Variants in BRCA2 observed in about 807,000 individuals in gnomAD.
BRCA2 encodes the protein BRCA2 DNA repair associated.
A neutral mutation model predicts 276.7 loss-of-function variants in BRCA2; 203 were observed. The observed-to-expected ratio is 0.73, with a 90% CI of 0.65 to 0.82. The LOEUF (loss-of-function observed/expected upper bound fraction) is 0.82. Among genes scored for constraint, BRCA2 ranks in the 40% least tolerant of loss-of-function variants. The pLI, the probability that BRCA2 is intolerant of heterozygous loss-of-function variation, is 0.00. For synonymous variants in BRCA2, 1,289 were observed against 1,338.4 expected, an observed-to-expected ratio of 0.96 and a Z score of 0.81; for missense variants, 3,920 against 3,915.0, an observed-to-expected ratio of 1.00 and a Z score of -0.03.
Position 32,371,058 on chromosome 13 carries a change from G to T in BRCA2, c.8590G>T (p.Ala2864Ser), listed in dbSNP as rs1331784222. ...YVEAQQKRLEALFTKIQEEFE... is the reference protein window; with the variant it reads ...YVEAQQKRLESLFTKIQEEFE... ...GGAGGCCCAACAAAAGAGACTAGAA[G>T]CCTTATTCACTAAAATTCAGGAGGA... Residue 2864 changes from alanine (A) to serine (S), a missense_variant, in exon 20 of 27, where the codon GCC (alanine) becomes TCC (serine). Physicochemically the swap from Ala to Ser is moderately conservative, Grantham distance 99. Transcript: ENST00000380152. 1 of 1,613,972 alleles carries T rather than the reference G, an allele frequency of 6.2e-7. No individual in the cohort carries two copies. Among genetic ancestry groups the T allele is most frequent in the Non-Finnish European group, 8.5e-7 (1 of 1,179,988 alleles).
At chr13:32,388,652 A>G (rs557698260) in intron 24 of BRCA2, among the ~76,000 whole-genome samples, 115 of 133,814 alleles carry the variant, frequency 8.6e-4, no homozygotes, top group South Asian at 3.0e-3. Context: ...GGTTAAATGT[A>G]TTAAATGCAT....
intron 17 of BRCA2, 76 bp from the exon 18 acceptor site, chr13:32,363,099 CAGTT>C (rs2072752318): frequency 8.3e-7 from 1 of 1,198,654 alleles, no homozygotes; most frequent in African/African-American, 1.5e-5. Context: ...TTTTTATTCT[CAGTT>C]ATTCAGTGAC....
chr13:32,396,690 C>T (rs1274959655), intron 25 of BRCA2: 4 of 596,546 alleles, frequency 6.7e-6, no homozygotes, highest in Admixed American at 2.8e-5. Flanking sequence ...TTCTCTGTTC[C>T]CCTCTCCCTA....
chr13:32,398,342 C>G lies in BRCA2; in HGVS notation c.9829C>G (p.Leu3277Val), dbSNP rs757664122. ...KRRALDFLSR[L>V]PLPPPVSPIC... ...AAGAGCCTTGGATTTCTTGAGTAGA[C>G]TGCCTTTACCTCCACCTGTTAGTCC... The change falls in exon 27 of 27, where the codon CTG becomes GTG. Residue 3277 changes from leucine (L) to valine (V), a missense_variant. Leu to Val is a conservative substitution (Grantham distance 32, BLOSUM62 1). Transcript: ENST00000380152. 1 of 1,614,168 alleles carries G rather than the reference C, an allele frequency of 6.2e-7. No homozygotes were observed. Among genetic ancestry groups the G allele is most frequent in the East Asian group, 2.2e-5 (1 of 44,892 alleles).
At chr13:32,369,955 G>A (rs533918129) in intron 18 of BRCA2, among the ~76,000 whole-genome samples, 2 of 152,182 alleles carry the variant, frequency 1.3e-5, no homozygotes, top group African/African-American at 4.8e-5. Context: ...TTTGCTTTTT[G>A]TATTAGCCAT....
intron 3 of BRCA2, 96 bp downstream of exon 3, chr13:32,319,421 G>A (rs2072291303): frequency 7.8e-7 from 1 of 1,278,378 alleles, no homozygotes; most frequent in Non-Finnish European, 1.1e-6. Flanking sequence ...ATTGTGTCAT[G>A]CTGGGCAAAT....
At chr13:32,344,786 C>A in intron 12 of BRCA2, 133 bp downstream of exon 12, 1 of 619,260 alleles carries the variant, frequency 1.6e-6, no homozygotes, top group South Asian at 2.0e-5. Flanking sequence ...AATCAAGGAC[C>A]TCTTTATACT....
intron 2 of BRCA2, among the ~76,000 whole-genome samples, 186 bp from the exon 3 acceptor site, chr13:32,318,891 C>T (rs1441445843): frequency 6.6e-6 from 1 of 152,108 alleles, no homozygotes; most frequent in African/African-American, 2.4e-5. Flanking sequence ...TTTGTGAACT[C>T]TTGTTACACC....
At chr13:32,365,755 T>C (rs1031040814) in intron 18 of BRCA2, among the ~76,000 whole-genome samples, 1 of 150,304 alleles carries the variant, frequency 6.7e-6, no homozygotes, top group South Asian at 2.1e-4. Flanking sequence ...CTTTTTTTTT[T>C]CCTTTAATTC....
chr13:32,316,794 G>A (rs536737819), intron 2 of BRCA2, among the ~76,000 whole-genome samples: 1 of 152,276 alleles, frequency 6.6e-6, no homozygotes, highest in East Asian at 1.9e-4. Flanking sequence ...GTTACTTTAT[G>A]GCAGAAGTTG....
Position 32,344,558 on chromosome 13 carries a change from G to T in BRCA2, c.6842G>T (p.Gly2281Val), listed in dbSNP as rs80358908. The T allele has an allele frequency of 1.3e-6, 2 of 1,509,816 alleles. No homozygotes were observed. The highest frequency in any genetic ancestry group is 1.1e-5 in the South Asian group (1 of 87,278). 93.5% of individuals were successfully genotyped at this position (1,509,816 alleles called of 1,614,324 possible). Reference protein sequence around the residue: ...KRRGEPLILVGEPSIKRNLLN... With the variant: ...KRRGEPLILVVEPSIKRNLLN... ...ACATATATGAAATATTTCTTTTTAG[G>T]AGAACCCTCAATCAAAAGAAACTTA... Residue 2281 changes from glycine (G) to valine (V), a missense_variant and splice_region_variant, in exon 12 of 27, where the codon GGA (glycine) becomes GTA (valine). Physicochemically the swap from Gly to Val is moderately radical, Grantham distance 109. Transcript: ENST00000380152.
At chr13:32,360,550 G>A (rs1340785255) in intron 16 of BRCA2, among the ~76,000 whole-genome samples, 1 of 152,140 alleles carries the variant, frequency 6.6e-6, no homozygotes, top group Non-Finnish European at 1.5e-5. Flanking sequence ...AGTAGAGACA[G>A]GGTTTCACCA....
In BRCA2 at chr13:32,339,987, A is replaced by G. The variant is rs397507358; in HGVS notation, c.5632A>G (p.Asn1878Asp). 1 of 1,612,100 alleles carries G rather than the reference A, an allele frequency of 6.2e-7. No homozygotes were observed. The highest frequency in any genetic ancestry group is 1.3e-5 in the African/African-American group (1 of 74,864). The change falls in exon 11 of 27, where the codon AAC (asparagine) becomes GAC (aspartate). Residue 1878 changes from asparagine (N) to aspartate (D), a missense_variant. Physicochemically the swap from Asn to Asp is conservative, Grantham distance 23 (BLOSUM62 1). Around this residue, in one of 2 missense-constraint regions of BRCA2, gnomAD observed 3,263 missense variants for 3,156.9 expected, o/e 1.03. Transcript: ENST00000380152. ...DSFSKVIKEN[N>D]ENKSKICQTK... ...TTTCAGTAAAGTAATTAAGGAAAACAACGAGAATAAATCAAAAATTTGCCA... is the reference window on the plus strand; with the variant it reads ...TTTCAGTAAAGTAATTAAGGAAAACGACGAGAATAAATCAAAAATTTGCCA...
chr13:32,373,981 A>G (rs2072853928), intron 20 of BRCA2, among the ~76,000 whole-genome samples: 1 of 152,086 alleles, frequency 6.6e-6, no homozygotes, highest in Admixed American at 6.6e-5. Context: ...CCACAGCTGA[A>G]CTCTTGTCTT....
intron 13 of BRCA2, among the ~76,000 whole-genome samples, chr13:32,350,564 A>G (rs993455321): frequency 6.6e-6 from 1 of 152,104 alleles, no homozygotes; most frequent in African/African-American, 2.4e-5. Context: ...CCTGGCTAAC[A>G]TGGTGAAACC....
At chr13:32,394,301 AT>A (rs2073018182) in intron 24 of BRCA2, among the ~76,000 whole-genome samples, 2 of 152,198 alleles carry the variant, frequency 1.3e-5, no homozygotes, top group Admixed American at 6.5e-5. Flanking sequence ...GTATTTTACT[AT>A]TATTAGAGGT....
chr13:32,349,727 A>C (rs1239961468), intron 13 of BRCA2, among the ~76,000 whole-genome samples: 2 of 151,120 alleles, frequency 1.3e-5, no homozygotes, highest in Non-Finnish European at 2.9e-5. Context: ...AGGTGGGAGA[A>C]CTGCTTGAAC....
At chr13:32,370,853 A>G (rs1161869995) in intron 19 of BRCA2, 103 bp from the exon 20 acceptor site, 5 of 1,459,270 alleles carry the variant, frequency 3.4e-6, no homozygotes, top group African/African-American at 1.4e-5. Context: ...TCAGCCTCCC[A>G]AAGTTCTGGG....
intron 18 of BRCA2, among the ~76,000 whole-genome samples, chr13:32,367,698 G>A (rs567403882): frequency 1.3e-5 from 2 of 151,948 alleles, no homozygotes; most frequent in East Asian, 3.9e-4. Flanking sequence ...GAGAGGCCGT[G>A]GTGGGAGGAT....
Sources: allele counts gnomAD v4.1 joint callset (sites outside exome capture counted in the v4.1 genomes callset), GRCh38; gene constraint gnomAD v4.1.1; regional missense constraint gnomAD v4.1.1; transcripts MANE v1.5; gene names NCBI Gene and HGNC (gene_info 2026-07-23, HGNC 2026-07-21).